DLGAP1: variants seen among roughly 807,000 people sequenced by gnomAD.
DLGAP1 encodes DLG associated protein 1.
Under a neutral mutation model 90.8 loss-of-function variants are expected in DLGAP1, and 11 were observed. That is an observed-to-expected ratio of 0.12 (90% CI 0.08 to 0.20). DLGAP1 has a LOEUF of 0.20. Ranked by LOEUF, DLGAP1 falls within the 10% of genes least tolerant of loss-of-function variation. DLGAP1 has a pLI of 1.00. For synonymous variants in DLGAP1, 558 were observed against 540.7 expected, an observed-to-expected ratio of 1.03 and a Z score of -0.44; for missense variants, 1,050 against 1,333.8, an observed-to-expected ratio of 0.79 and a Z score of 3.31.
intron 2 of DLGAP1, among the ~76,000 whole-genome samples, chr18:4,106,979 T>A (rs2075879629): frequency 6.6e-6 from 1 of 152,226 alleles, no homozygotes; most frequent in Admixed American, 6.5e-5. Context: ...TTCATGCCAA[T>A]GAACGTTCTC....
intron 7 of DLGAP1, among the ~76,000 whole-genome samples, chr18:3,688,339 A>T (rs2060772953): frequency 6.6e-6 from 1 of 152,158 alleles, no homozygotes; most frequent in Admixed American, 6.5e-5. Context: ...CCAGACAAAG[A>T]TGTGAGATAC....
At chr18:3,626,217 C>T (rs754384102) in intron 7 of DLGAP1, among the ~76,000 whole-genome samples, 7 of 150,314 alleles carry the variant, frequency 4.7e-5, no homozygotes, top group South Asian at 2.1e-4. Flanking sequence ...CACTTTAGCC[C>T]GAGGTTGAGG....
chr18:4,141,526 T>C (rs889825591), intron 2 of DLGAP1, among the ~76,000 whole-genome samples: 1 of 152,046 alleles, frequency 6.6e-6, no homozygotes, highest in African/African-American at 2.4e-5. Context: ...AAATGAAGTC[T>C]TAAAGTCTTA....
intron 11 of DLGAP1, among the ~76,000 whole-genome samples, chr18:3,508,140 TA>T (rs1460330395): frequency 6.6e-6 from 1 of 152,250 alleles, no homozygotes; most frequent in East Asian, 1.9e-4. Flanking sequence ...GCTCTTGAAT[TA>T]AAACAGAGAA....
At chr18:3,820,454 A>G (rs1429956733) in intron 4 of DLGAP1, among the ~76,000 whole-genome samples, 2 of 152,240 alleles carry the variant, frequency 1.3e-5, no homozygotes, top group East Asian at 1.9e-4. Context: ...CAAAGGCAGT[A>G]GAGCAAGGAA....
At chr18:4,162,511 A>C (rs2076863855) in intron 1 of DLGAP1, among the ~76,000 whole-genome samples, 1 of 152,240 alleles carries the variant, frequency 6.6e-6, no homozygotes, top group Non-Finnish European at 1.5e-5. Flanking sequence ...TACTAATCCA[A>C]GTCAATTATA....
chr18:3,959,188 A>G (rs2073142836), intron 3 of DLGAP1, among the ~76,000 whole-genome samples: 1 of 152,088 alleles, frequency 6.6e-6, no homozygotes, highest in Non-Finnish European at 1.5e-5. Flanking sequence ...TTTTTTTGAA[A>G]GAGGCAGAAA....
intron 4 of DLGAP1, among the ~76,000 whole-genome samples, chr18:3,876,456 A>G (rs1306540086): frequency 6.6e-6 from 1 of 152,242 alleles, no homozygotes; most frequent in Non-Finnish European, 1.5e-5. Flanking sequence ...ATATCTATTA[A>G]TAAGGATTAA....
rs1247589917 is a variant in DLGAP1 at position 3,653,064 on chromosome 18, C to G, written c.1592-70816G>C. Among the ~76,000 whole-genome samples the G allele has an allele frequency of 6.6e-6, 1 of 152,216 alleles. No homozygotes were observed. The highest frequency in any genetic ancestry group is 1.5e-5 in the Non-Finnish European group (1 of 68,036). ...CAGGGGTGACTCAGCTCTTCCATGA[C>G]CTGTGTTCCCACTTCTCCTTGATAA... On this transcript the variant is annotated intron_variant, in intron 7 of 12. Coordinates refer to ENST00000315677, the MANE Select transcript of DLGAP1 (RefSeq NM_004746.4). The surrounding 1 kb of genome is among the most constrained non-coding windows in gnomAD (Gnocchi z 4.6).
intron 1 of DLGAP1, among the ~76,000 whole-genome samples, chr18:4,168,077 G>A (rs1326569879): frequency 6.6e-6 from 1 of 152,140 alleles, no homozygotes; most frequent in Non-Finnish European, 1.5e-5. Context: ...ATGTAGACAT[G>A]GAGAAGCTTT....
At chr18:3,741,841 C>CTTTT (rs374274361) in intron 6 of DLGAP1, among the ~76,000 whole-genome samples, 1 of 147,456 alleles carries the variant, frequency 6.8e-6, no homozygotes. Flanking sequence ...TTTTCTTTTT[C>CTTTT]TTTTTCTTTT....
chr18:3,811,882 C>T (rs930314854), intron 5 of DLGAP1, among the ~76,000 whole-genome samples: 1 of 152,194 alleles, frequency 6.6e-6, no homozygotes, highest in Admixed American at 6.5e-5. Flanking sequence ...TACCCTCTAG[C>T]CCTGTCCTCA....
intron 1 of DLGAP1, among the ~76,000 whole-genome samples, chr18:4,374,242 G>A (rs373104286): frequency 2.0e-4 from 31 of 152,106 alleles, no homozygotes; most frequent in Middle Eastern, 3.4e-3. Flanking sequence ...TCCAAAATTC[G>A]TAAGAAAACA....
chr18:3,516,028 T>C (rs2050825752), intron 10 of DLGAP1, among the ~76,000 whole-genome samples: 1 of 152,134 alleles, frequency 6.6e-6, no homozygotes, highest in Non-Finnish European at 1.5e-5. Flanking sequence ...TCACTTCGCA[T>C]TCTAGTTCTC....
Position 4,342,416 on chromosome 18 carries a change from C to T in DLGAP1, c.-267+112590G>A, listed in dbSNP as rs943222659. ...ATTTTAAAAATTGGAAAGGAAATAT[C>T]TTGCACTACTAAGACTAAATGGTTT... On this transcript the variant is annotated intron_variant, in intron 1 of 12. Transcript: ENST00000315677. This position sits in a 1 kb window ranked among gnomAD's most constrained non-coding sequence, Gnocchi z 5.8. Among the ~76,000 whole-genome samples the T allele has an allele frequency of 6.6e-6, 1 of 152,144 alleles. No individual in the cohort carries two copies. Among genetic ancestry groups the T allele is most frequent in the African/African-American group, 2.4e-5 (1 of 41,426 alleles).
rs1397876949 is a variant in DLGAP1 at position 4,342,067 on chromosome 18, G to A, written c.-267+112939C>T. 6.6e-6 allele frequency among the ~76,000 whole-genome samples: 1 copy of A among 151,764 alleles called. No homozygotes were observed. The highest frequency in any genetic ancestry group is 2.4e-5 in the African/African-American group (1 of 41,298). On this transcript the variant is annotated intron_variant, in intron 1 of 12. Transcript: ENST00000315677. This position sits in a 1 kb window ranked among gnomAD's most constrained non-coding sequence, Gnocchi z 5.8. ...GAATTTCTGAGCGGATAAAGTCCTC[G>A]GCATGCGGTGAACACTAAATAAATG... is the stretch of plus-strand genomic sequence containing the variant.
intron 3 of DLGAP1, among the ~76,000 whole-genome samples, chr18:4,000,304 G>A (rs1399026269): frequency 1.3e-5 from 2 of 151,772 alleles, no homozygotes; most frequent in African/African-American, 4.8e-5. Flanking sequence ...CTGTTCCCTG[G>A]CATCTATTTT....
intron 2 of DLGAP1, among the ~76,000 whole-genome samples, chr18:4,118,196 C>T (rs548305001): frequency 3.4e-4 from 52 of 152,202 alleles, no homozygotes; most frequent in South Asian, 1.7e-3. Flanking sequence ...GAATTCTCCA[C>T]GCTCCATTCC....
intron 3 of DLGAP1, among the ~76,000 whole-genome samples, chr18:3,916,949 AG>A (rs1386318364): frequency 6.6e-6 from 1 of 152,222 alleles, no homozygotes; most frequent in East Asian, 1.9e-4. Context: ...ATGGTGCAAA[AG>A]CAATACACAT....
Sources: gnomAD v4.1 joint callset for allele counts (sites outside exome capture counted in the v4.1 genomes callset) on GRCh38, gnomAD v4.1.1 for gene constraint, Gnocchi (gnomAD v3.1) non-coding constraint, MANE v1.5 for transcripts, NCBI Gene and HGNC (gene_info 2026-07-23, HGNC 2026-07-21) for gene names.